Variants in CACNA2D3 observed in about 807,000 individuals in gnomAD.
The protein encoded by CACNA2D3 is voltage-dependent calcium channel subunit alpha-2/delta-3.
In CACNA2D3, 60 loss-of-function variants were observed where a neutral mutation model predicts 160.6. The ratio of observed to expected loss-of-function variants is 0.37; its 90% CI spans 0.30 to 0.46. CACNA2D3 has a LOEUF of 0.46. CACNA2D3 is among the 20% of genes least tolerant of loss of function. The pLI is 1.00. For synonymous variants in CACNA2D3, 558 were observed against 492.9 expected (o/e 1.13, Z -1.75); for missense variants, 1,205 against 1,365.0 (o/e 0.88, Z 1.85).
intron 11 of CACNA2D3, among the ~76,000 whole-genome samples, chr3:54,736,030 TATATGTATATATATACACATAC>T (rs1559563511): frequency 0.014 from 848 of 62,388 alleles, 63 homozygotes; most frequent in South Asian, 0.022. Context: ...CATACATATA[TATATGTATATATATACACATAC>T]ATATGTATGT....
intron 34 of CACNA2D3, among the ~76,000 whole-genome samples, chr3:55,016,154 A>G (rs1559464332): frequency 6.6e-6 from 1 of 152,212 alleles, no homozygotes; most frequent in Non-Finnish European, 1.5e-5. Flanking sequence ...TTTCTGGAGA[A>G]TGACTACCAG....
intron 35 of CACNA2D3, among the ~76,000 whole-genome samples, chr3:55,055,551 G>C (rs358058): frequency 0.065 from 9,875 of 152,036 alleles, 1,066 homozygotes; most frequent in African/African-American, 0.23. Context: ...GATTTCTCAT[G>C]AATTTTGGAA....
At chr3:54,853,872 G>T (rs982705543) in intron 17 of CACNA2D3, among the ~76,000 whole-genome samples, 1 of 151,956 alleles carries the variant, frequency 6.6e-6, no homozygotes, top group Non-Finnish European at 1.5e-5. Flanking sequence ...CTATGGGGGT[G>T]GGGGGATGGG....
chr3:54,767,248 A>C (rs533441511), intron 13 of CACNA2D3, among the ~76,000 whole-genome samples: 3 of 152,218 alleles, frequency 2.0e-5, no homozygotes, highest in African/African-American at 7.2e-5. Context: ...GTGAATAAAA[A>C]ATTTCTCAGA....
In CACNA2D3 at chr3:54,838,584, T is replaced by C. The variant is rs1240534646; in HGVS notation, c.1487T>C (p.Leu496Pro). ...KQNETRSKGI[L>P]LGVVGTDVPV... Reference sequence around the variant, plus strand: ...TTTCGACAGAGATCGAAGGGCATTCTTCTGGGAGTGGTTGGCACAGATGTC... The same window carrying C: ...TTTCGACAGAGATCGAAGGGCATTCCTCTGGGAGTGGTTGGCACAGATGTC... Residue 496 changes from leucine to proline, a missense_variant, in exon 16 of 38, where the codon CTT becomes CCT. Physicochemically the swap from Leu to Pro is moderately conservative, Grantham distance 98. This residue lies in a region of CACNA2D3 where 911 missense variants were observed against 1,002.2 expected (regional missense o/e 0.91). Transcript: ENST00000474759. 1.9e-6 allele frequency: 3 copies of C among 1,613,322 alleles called. No individual in the cohort carries two copies. The highest frequency in any genetic ancestry group is 1.3e-5 in the African/African-American group (1 of 74,922).
At chr3:54,286,783 A>C (rs933370630) in intron 2 of CACNA2D3, among the ~76,000 whole-genome samples, 4 of 152,298 alleles carry the variant, frequency 2.6e-5, no homozygotes, top group African/African-American at 9.6e-5. Flanking sequence ...CAACATTCTT[A>C]AAGAAAAGAA....
At chr3:54,896,549 T>G (rs1700192868) in intron 25 of CACNA2D3, 200 bp from the exon 26 acceptor site, 2 of 551,172 alleles carry the variant, frequency 3.6e-6, no homozygotes, top group Admixed American at 3.1e-5. Context: ...ACTCAGAATT[T>G]GACTCCCAGA....
chr3:54,695,358 T>C lies in CACNA2D3; in HGVS notation c.1167+53117T>C, dbSNP rs144265042. ...AAACTTGATTTCAGTGACTGAACAGTATTCAAGTTTAGTTTTTTTTTTCTG... is the reference window on the plus strand; with the variant it reads ...AAACTTGATTTCAGTGACTGAACAGCATTCAAGTTTAGTTTTTTTTTTCTG... On this transcript the variant is annotated intron_variant, in intron 11 of 37. Coordinates refer to ENST00000474759, the MANE Select transcript of CACNA2D3 (RefSeq NM_018398.3). Among the ~76,000 whole-genome samples the C allele has an allele frequency of 2.9e-3, 447 of 151,996 alleles. 2 individuals carry two copies. The highest frequency in any genetic ancestry group is 4.5e-3 in the Non-Finnish European group (307 of 67,932).
chr3:54,925,855 G>A (rs1488064935), intron 27 of CACNA2D3, among the ~76,000 whole-genome samples: 1 of 152,208 alleles, frequency 6.6e-6, no homozygotes, highest in East Asian at 1.9e-4. Flanking sequence ...CTAAAGCGCT[G>A]CTACGTATTG....
chr3:54,248,456 G>A (rs1274631017), intron 2 of CACNA2D3, among the ~76,000 whole-genome samples: 7 of 149,138 alleles, frequency 4.7e-5, no homozygotes, highest in Non-Finnish European at 8.9e-5. Context: ...ACTCCAGCCC[G>A]GGCAACAAGA....
chr3:54,424,528 C>A (rs72973133), intron 4 of CACNA2D3, among the ~76,000 whole-genome samples: 5,520 of 152,282 alleles, frequency 0.036, 346 homozygotes, highest in African/African-American at 0.13. Flanking sequence ...TGAAGGAAGG[C>A]TTTACTACAT....
In CACNA2D3 at chr3:55,004,802, C is replaced by A. The variant is rs375857915; in HGVS notation, c.2730C>A (p.Asn910Lys). Residue 910 changes from asparagine to lysine, a missense_variant, in exon 32 of 38, where the codon AAC becomes AAA. Coordinates refer to ENST00000474759, the MANE Select transcript of CACNA2D3 (RefSeq NM_018398.3). ...LYDYQAMCRA[N>K]KESSDGAHGL... ...ACTACCAAGCCATGTGTAGAGCCAA[C>A]AAGGAAAGCAGCGATGGCGCCCATG... 1.5e-4 allele frequency: 237 copies of A among 1,613,378 alleles called. No individual in the cohort carries two copies. Among genetic ancestry groups the A allele is most frequent in the Non-Finnish European group, 1.9e-4 (228 of 1,179,630 alleles).
intron 4 of CACNA2D3, among the ~76,000 whole-genome samples, chr3:54,433,959 A>C (rs1204569345): frequency 6.6e-6 from 1 of 152,222 alleles, no homozygotes; most frequent in Non-Finnish European, 1.5e-5. Flanking sequence ...CATTGCTTCC[A>C]TTCCCCCACC....
chr3:54,449,537 A>C (rs549527556), intron 4 of CACNA2D3, among the ~76,000 whole-genome samples: 2 of 152,326 alleles, frequency 1.3e-5, no homozygotes, highest in Non-Finnish European at 2.9e-5. Flanking sequence ...CCCAAATCTC[A>C]TGTTGAATTG....
chr3:54,990,178 G>C (rs572333368), intron 31 of CACNA2D3, among the ~76,000 whole-genome samples: 2 of 152,230 alleles, frequency 1.3e-5, no homozygotes, highest in South Asian at 2.1e-4. Flanking sequence ...CAGCATCTTG[G>C]ACAGCACCGG....
chr3:54,510,176 G>A (rs1701437580), intron 5 of CACNA2D3, among the ~76,000 whole-genome samples: 1 of 152,038 alleles, frequency 6.6e-6, no homozygotes, highest in Non-Finnish European at 1.5e-5. Flanking sequence ...GTGGGTGAGT[G>A]AGTGGAGGGA....
At chr3:54,575,844 G>A (rs1702571763) in intron 8 of CACNA2D3, among the ~76,000 whole-genome samples, 1 of 152,154 alleles carries the variant, frequency 6.6e-6, no homozygotes, top group Non-Finnish European at 1.5e-5. Flanking sequence ...AACTGAGGAG[G>A]AAAGTGCCAT....
intron 35 of CACNA2D3, among the ~76,000 whole-genome samples, chr3:55,023,729 C>T (rs1438990718): frequency 6.6e-6 from 1 of 151,948 alleles, no homozygotes; most frequent in African/African-American, 2.4e-5. Context: ...TAACGACTGC[C>T]TGGGAATAAT....
chr3:54,682,295 G>GTA (rs1378897784), intron 11 of CACNA2D3, among the ~76,000 whole-genome samples: 1 of 152,076 alleles, frequency 6.6e-6, no homozygotes, highest in Non-Finnish European at 1.5e-5. Context: ...TCTTCTTTAT[G>GTA]TTGTATATCA....
Sources: gnomAD v4.1 joint callset for allele counts (sites outside exome capture counted in the v4.1 genomes callset) on GRCh38, gnomAD v4.1.1 for gene constraint, gnomAD v4.1.1 regional missense constraint, MANE v1.5 for transcripts, NCBI Gene and HGNC (gene_info 2026-07-23, HGNC 2026-07-21) for gene names.